The following MYO3B variants were observed in gnomAD, a reference collection of about 807,000 sequenced individuals.
The protein encoded by MYO3B is myosin-IIIb.
In MYO3B, 156 loss-of-function variants were observed where a neutral mutation model predicts 174.6. The observed-to-expected ratio is 0.89, with a 90% CI of 0.78 to 1.02. The LOEUF (loss-of-function observed/expected upper bound fraction) is 1.02. Among genes scored for constraint, MYO3B ranks in the 50% least tolerant of loss-of-function variants. The pLI, the probability that MYO3B is intolerant of heterozygous loss-of-function variation, is 0.00. For synonymous variants in MYO3B, 563 were observed against 569.1 expected, an observed-to-expected ratio of 0.99 and a Z score of 0.15; for missense variants, 1,632 against 1,639.4, an observed-to-expected ratio of 1.00 and a Z score of 0.08.
At chr2:170,404,770 T>A (rs192774379) in intron 20 of MYO3B, among the ~76,000 whole-genome samples, 3 of 152,322 alleles carry the variant, frequency 2.0e-5, no homozygotes, top group Non-Finnish European at 2.9e-5. Flanking sequence ...TCTGATTTCA[T>A]GCAGAAGCCC....
At chr2:170,623,620 T>C (rs1187720100) in intron 32 of MYO3B, among the ~76,000 whole-genome samples, 1 of 152,224 alleles carries the variant, frequency 6.6e-6, no homozygotes, top group African/African-American at 2.4e-5. Flanking sequence ...GCCATTGCTT[T>C]TGGTGTTTTA....
At chr2:170,426,423 C>A (rs1487268378) in intron 22 of MYO3B, among the ~76,000 whole-genome samples, 2 of 150,992 alleles carry the variant, frequency 1.3e-5, no homozygotes, top group Non-Finnish European at 3.0e-5. Context: ...GCAAGCTCTG[C>A]CTCCTGGGTT....
intron 30 of MYO3B, among the ~76,000 whole-genome samples, chr2:170,525,109 T>G (rs1029299199): frequency 5.3e-5 from 8 of 152,124 alleles, no homozygotes; most frequent in African/African-American, 1.9e-4. Flanking sequence ...ACTGTCACCC[T>G]GTGATTGATG....
chr2:170,322,019 C>T lies in MYO3B; in HGVS notation c.750-13366C>T, dbSNP rs550345058. Among the ~76,000 whole-genome samples, 4 of 150,056 alleles carry T rather than the reference C, an allele frequency of 2.7e-5. No homozygotes were observed. The South Asian group carries it at 8.4e-4, about 32-fold the overall frequency. On this transcript the variant is annotated intron_variant, in intron 7 of 34. Transcript: ENST00000408978. ...ATCCCAGGTACTCAGGAGGCTGAGG[C>T]AGGAGAATTGCTTGAACCCGGGAGG...
chr2:170,544,040 G>A (rs1383635748), intron 32 of MYO3B, 52 bp downstream of exon 32: 2 of 1,388,696 alleles, frequency 1.4e-6, no homozygotes, highest in Non-Finnish European at 2.0e-6. Flanking sequence ...GCATGTTTGT[G>A]TACTTTTTAG....
At chr2:170,634,726 A>G (rs760805277) in intron 32 of MYO3B, among the ~76,000 whole-genome samples, 22 of 152,258 alleles carry the variant, frequency 1.4e-4, no homozygotes, top group Non-Finnish European at 2.9e-4. Flanking sequence ...CCCATCTGAC[A>G]AAGGGCTGAA....
chr2:170,259,474 A>G (rs1182801094), intron 7 of MYO3B, among the ~76,000 whole-genome samples: 2 of 152,232 alleles, frequency 1.3e-5, no homozygotes, highest in African/African-American at 4.8e-5. Flanking sequence ...TCCCTTTTCA[A>G]TAAATCGTGC....
At chr2:170,448,832 C>T (rs1683413533) in intron 23 of MYO3B, among the ~76,000 whole-genome samples, 1 of 151,866 alleles carries the variant, frequency 6.6e-6, no homozygotes, top group Non-Finnish European at 1.5e-5. Flanking sequence ...CACGAGTCCC[C>T]AGTTTTACTA....
At chr2:170,223,164 C>T (rs909875139) in intron 6 of MYO3B, among the ~76,000 whole-genome samples, 1 of 152,098 alleles carries the variant, frequency 6.6e-6, no homozygotes, top group Admixed American at 6.5e-5. Flanking sequence ...GATGTTTGGC[C>T]AGCTCATAGT....
intron 32 of MYO3B, among the ~76,000 whole-genome samples, chr2:170,623,576 A>G (rs770490277): frequency 1.3e-3 from 202 of 152,200 alleles, no homozygotes; most frequent in Non-Finnish European, 2.5e-3. Flanking sequence ...TCTTTAGTTT[A>G]ATTAGATCCC....
chr2:170,441,989 C>T (rs555877421), intron 22 of MYO3B, among the ~76,000 whole-genome samples: 2 of 152,332 alleles, frequency 1.3e-5, no homozygotes, highest in South Asian at 2.1e-4. Flanking sequence ...CTTATTTTCA[C>T]CCAGCCCCTA....
intron 1 of MYO3B, among the ~76,000 whole-genome samples, chr2:170,184,275 T>C (rs73025109): frequency 0.033 from 5,042 of 152,206 alleles, 268 homozygotes; most frequent in African/African-American, 0.11. Flanking sequence ...CTTTGTGCTA[T>C]CAAATACTAG....
intron 32 of MYO3B, among the ~76,000 whole-genome samples, chr2:170,561,955 T>A (rs77010834): frequency 0.017 from 2,640 of 151,372 alleles, 62 homozygotes; most frequent in East Asian, 0.088. Context: ...TTGATTCCTT[T>A]AAAAAAAAAC....
At chr2:170,594,729 A>T (rs1256821695) in intron 32 of MYO3B, among the ~76,000 whole-genome samples, 1 of 151,984 alleles carries the variant, frequency 6.6e-6, no homozygotes, top group Non-Finnish European at 1.5e-5. Flanking sequence ...AATCCCATCT[A>T]TATTCCAGTC....
At chr2:170,548,787 A>G (rs922382723) in intron 32 of MYO3B, among the ~76,000 whole-genome samples, 15 of 152,216 alleles carry the variant, frequency 9.9e-5, no homozygotes, top group Admixed American at 5.2e-4. Context: ...TCAGAGACCA[A>G]TATGAAATGG....
At chr2:170,300,476 C>T (rs967519966) in intron 7 of MYO3B, among the ~76,000 whole-genome samples, 11 of 152,296 alleles carry the variant, frequency 7.2e-5, no homozygotes, top group South Asian at 2.1e-4. Flanking sequence ...ACCCCAAACA[C>T]GTGTCCCTCT....
chr2:170,288,985 A>G (rs1251352948), intron 7 of MYO3B, among the ~76,000 whole-genome samples: 1 of 152,026 alleles, frequency 6.6e-6, no homozygotes, highest in African/African-American at 2.4e-5. Context: ...TTTGTTCTCA[A>G]TTCTGTTCGT....
intron 9 of MYO3B, among the ~76,000 whole-genome samples, chr2:170,372,617 T>G (rs754373429): frequency 7.2e-5 from 11 of 152,176 alleles, no homozygotes; most frequent in Non-Finnish European, 8.8e-5. Flanking sequence ...AAAGAGCTAA[T>G]AGTCTGGTGT....
intron 30 of MYO3B, among the ~76,000 whole-genome samples, chr2:170,540,472 G>T (rs1227959911): frequency 6.6e-6 from 1 of 151,800 alleles, no homozygotes; most frequent in Non-Finnish European, 1.5e-5. Flanking sequence ...TAGAGACAGG[G>T]TCTTGCTATA....
Sources: allele counts gnomAD v4.1 joint callset (sites outside exome capture counted in the v4.1 genomes callset), GRCh38; gene constraint gnomAD v4.1.1; transcripts MANE v1.5; gene names NCBI Gene and HGNC (gene_info 2026-07-23, HGNC 2026-07-21).